Variants in CALN1 observed in about 807,000 individuals in gnomAD.
The protein encoded by CALN1 is calneuron 1.
A neutral mutation model predicts 30.6 loss-of-function variants in CALN1; 17 were observed. That is an observed-to-expected ratio of 0.56 (90% CI 0.38 to 0.83). The LOEUF (loss-of-function observed/expected upper bound fraction) is 0.83. Ranked by LOEUF, CALN1 falls within the 40% of genes least tolerant of loss-of-function variation. The probability of loss-of-function intolerance (pLI) is 0.00; values close to 1 mark genes in which losing one functional copy is unlikely to be tolerated. For synonymous variants in CALN1, 156 were observed against 131.4 expected, an observed-to-expected ratio of 1.19 and a Z score of -1.28; for missense variants, 291 against 354.9, an observed-to-expected ratio of 0.82 and a Z score of 1.45.
At chr7:72,242,239 A>T (rs1459132502) in intron 3 of CALN1, among the ~76,000 whole-genome samples, 1 of 152,222 alleles carries the variant, frequency 6.6e-6, no homozygotes, top group East Asian at 1.9e-4. Context: ...ATAATATTCC[A>T]TTCAATGGCT....
At chr7:71,993,742 C>T (rs1386683549) in intron 5 of CALN1, among the ~76,000 whole-genome samples, 1 of 152,120 alleles carries the variant, frequency 6.6e-6, no homozygotes, top group African/African-American at 2.4e-5. Flanking sequence ...CAGGCGTGAG[C>T]CACTGTGCCC....
intron 3 of CALN1, among the ~76,000 whole-genome samples, chr7:72,107,378 A>G (rs989902267): frequency 6.6e-6 from 1 of 152,242 alleles, no homozygotes; most frequent in African/African-American, 2.4e-5. Context: ...TTGTAGATAT[A>G]AACAACCTCA....
intron 3 of CALN1, among the ~76,000 whole-genome samples, chr7:72,132,390 G>C (rs764223280): frequency 5.9e-5 from 9 of 152,118 alleles, no homozygotes; most frequent in African/African-American, 2.2e-4. Context: ...ATGGGTACTC[G>C]AAGTATGGTT....
chr7:72,475,458 C>A, the CALN1 span, among the ~76,000 whole-genome samples: 1 of 151,558 alleles, frequency 6.6e-6, no homozygotes, highest in Non-Finnish European at 1.5e-5. Flanking sequence ...GACTCTGTCT[C>A]AAAAAAAAGA....
At chr7:72,177,080 A>C (rs917992524) in intron 3 of CALN1, among the ~76,000 whole-genome samples, 1 of 152,126 alleles carries the variant, frequency 6.6e-6, no homozygotes, top group Non-Finnish European at 1.5e-5. Flanking sequence ...AACAGTGAGG[A>C]GGCGGGATGC....
intron 1 of CALN1, among the ~76,000 whole-genome samples, chr7:72,424,171 A>G (rs1807721971): frequency 6.6e-6 from 1 of 152,138 alleles, no homozygotes; most frequent in South Asian, 2.1e-4. Flanking sequence ...CAACAGGGAG[A>G]GGCCAACCCT....
intron 5 of CALN1, among the ~76,000 whole-genome samples, chr7:72,014,701 G>A (rs1260053594): frequency 1.3e-5 from 2 of 152,058 alleles, no homozygotes; most frequent in Non-Finnish European, 2.9e-5. Flanking sequence ...TCGCTCTGTT[G>A]TCTAGGCTGG....
intron 6 of CALN1, among the ~76,000 whole-genome samples, chr7:71,798,203 C>T (rs925480314): frequency 6.7e-6 from 1 of 149,420 alleles, no homozygotes; most frequent in African/African-American, 2.5e-5. Flanking sequence ...TGAGTCCAGG[C>T]CACCCAAAGT....
chr7:72,363,724 C>CT (rs66989275), intron 2 of CALN1, among the ~76,000 whole-genome samples: 43,860 of 111,780 alleles, frequency 0.39, 8,911 homozygotes, highest in Non-Finnish European at 0.48. Flanking sequence ...TTAAAAAAAA[C>CT]TTTTTTTTTT....
intron 4 of CALN1, among the ~76,000 whole-genome samples, chr7:72,063,657 A>G (rs1803818424): frequency 6.6e-6 from 1 of 152,222 alleles, no homozygotes; most frequent in Non-Finnish European, 1.5e-5. Flanking sequence ...CTGAATATCT[A>G]TTTGAATTAC....
intron 5 of CALN1, among the ~76,000 whole-genome samples, chr7:71,915,429 C>T (rs542883017): frequency 9.8e-4 from 149 of 152,284 alleles, no homozygotes; most frequent in Middle Eastern, 6.8e-3. Flanking sequence ...TGTCAAGCAA[C>T]TATGTATTAA....
intron 1 of CALN1, among the ~76,000 whole-genome samples, chr7:72,406,208 G>C (rs570598473): frequency 1.3e-5 from 2 of 152,286 alleles, no homozygotes; most frequent in South Asian, 2.1e-4. Context: ...GGCGTAACGA[G>C]GGAAGCCAAG....
intron 4 of CALN1, among the ~76,000 whole-genome samples, chr7:72,028,822 G>A (rs987808619): frequency 6.6e-6 from 1 of 152,006 alleles, no homozygotes; most frequent in Admixed American, 6.6e-5. Context: ...GAAACCCTAT[G>A]TCTACCAAAA....
At chr7:72,374,773 A>G (rs1804452643) in intron 2 of CALN1, among the ~76,000 whole-genome samples, 1 of 152,158 alleles carries the variant, frequency 6.6e-6, no homozygotes. Context: ...TTCCTCATGT[A>G]TCACCTTCTC....
intron 3 of CALN1, among the ~76,000 whole-genome samples, chr7:72,152,042 T>C (rs111278073): frequency 7.9e-5 from 12 of 151,914 alleles, no homozygotes; most frequent in African/African-American, 2.7e-4. Flanking sequence ...CCAGGTAGCT[T>C]GGATTACAGG....
intron 2 of CALN1, among the ~76,000 whole-genome samples, chr7:72,353,279 C>T (rs781639392): frequency 1.3e-5 from 2 of 152,046 alleles, no homozygotes; most frequent in Non-Finnish European, 2.9e-5. Flanking sequence ...AAATCAAATA[C>T]AGGCAATACC....
intron 3 of CALN1, among the ~76,000 whole-genome samples, chr7:72,181,310 T>C (rs1789788833): frequency 1.3e-5 from 2 of 150,312 alleles, no homozygotes; most frequent in South Asian, 4.2e-4. Context: ...TGTTTATATA[T>C]GTTATATGAA....
chr7:72,444,418 A>G (rs1209087058), intron 1 of CALN1, among the ~76,000 whole-genome samples: 1 of 152,168 alleles, frequency 6.6e-6, no homozygotes, highest in African/African-American at 2.4e-5. Context: ...GCTCAGCTGT[A>G]TTTCTTAAGT....
chr7:72,447,336 C>A (rs375956321), upstream of CALN1, among the ~76,000 whole-genome samples: 4 of 152,068 alleles, frequency 2.6e-5, no homozygotes, highest in Admixed American at 6.6e-5. Flanking sequence ...AGCAAGAAAA[C>A]GGGGCTGAGA....
Sources: allele counts gnomAD v4.1 joint callset (sites outside exome capture counted in the v4.1 genomes callset), GRCh38; gene constraint gnomAD v4.1.1; transcripts MANE v1.5; gene names NCBI Gene and HGNC (gene_info 2026-07-23, HGNC 2026-07-21).